The following MRTFA variants were observed in gnomAD, a reference collection of about 807,000 sequenced individuals.
The protein encoded by MRTFA is myocardin related transcription factor A, also known as myocardin-related transcription factor A.
MRTFA carries 20 observed loss-of-function variants against 83.5 expected under a neutral mutation model. The ratio of observed to expected loss-of-function variants is 0.24; its 90% CI spans 0.17 to 0.35. MRTFA has a LOEUF of 0.35. Ranked by LOEUF, MRTFA falls within the 10% of genes least tolerant of loss-of-function variation. The pLI is 1.00. For synonymous variants in MRTFA, 659 were observed against 541.2 expected, an observed-to-expected ratio of 1.22 and a Z score of -3.02; for missense variants, 1,200 against 1,224.7, an observed-to-expected ratio of 0.98 and a Z score of 0.30.
intron 3 of MRTFA, chr22:40,526,601 A>G (rs2054978143): frequency 6.6e-6 from 1 of 152,220 alleles, no homozygotes; most frequent in South Asian, 2.1e-4. Flanking sequence ...GTGAATGAGA[A>G]TAACTGGCAG....
At chr22:40,610,900 T>TTG (rs1290701914) in intron 1 of MRTFA, among the ~76,000 whole-genome samples, 1 of 151,802 alleles carries the variant, frequency 6.6e-6, no homozygotes, top group Non-Finnish European at 1.5e-5. Flanking sequence ...GATGATTCAT[T>TTG]TGTGTTCACC....
At chr22:40,535,686 G>C (rs928741260) in intron 3 of MRTFA, among the ~76,000 whole-genome samples, 8 of 152,158 alleles carry the variant, frequency 5.3e-5, no homozygotes, top group Admixed American at 3.3e-4. Flanking sequence ...CTAGTAATGA[G>C]GGTTTTCAAA....
intron 4 of MRTFA, among the ~76,000 whole-genome samples, chr22:40,456,177 A>G (rs140066409): frequency 1.3e-5 from 2 of 152,250 alleles, no homozygotes; most frequent in African/African-American, 4.8e-5. Context: ...GAAACACTGA[A>G]GATTTAGGAA....
intron 7 of MRTFA, among the ~76,000 whole-genome samples, chr22:40,425,589 G>T (rs1193034941): frequency 6.6e-6 from 1 of 152,218 alleles, no homozygotes; most frequent in Admixed American, 6.5e-5. Flanking sequence ...GGCGACTGTG[G>T]TGGTGGCTTG....
chr22:40,571,065 T>TG lies in MRTFA; in HGVS notation c.-21-18699dup, dbSNP rs2055785400. 6.8e-5 allele frequency among the ~76,000 whole-genome samples: 9 copies of TG among 132,842 alleles called. No homozygotes were observed. In the South Asian group the frequency reaches 2.2e-3, roughly 32 times the overall value. 87.1% of individuals were successfully genotyped at this position (132,842 alleles called of 152,430 possible). A position where few individuals can be genotyped will look rare whatever the true frequency, so the allele number is the denominator to read the frequency against. On this transcript the variant is annotated intron_variant, in intron 2 of 14. Coordinates refer to ENST00000355630, the MANE Select transcript of MRTFA (RefSeq NM_020831.6). ...AAAAAAAAAAAAAAAAAAAATTAGC[T>TG]GGGCATGGTGGTGTGCGCCTGTAGT... is the stretch of plus-strand genomic sequence containing the variant.
chr22:40,603,878 G>T (rs969214057), intron 1 of MRTFA, among the ~76,000 whole-genome samples: 1 of 151,316 alleles, frequency 6.6e-6, no homozygotes, highest in Non-Finnish European at 1.5e-5. Context: ...CTTCCATAGT[G>T]CTGGGATTAT....
At chr22:40,604,977 C>G (rs1294275745) in intron 1 of MRTFA, among the ~76,000 whole-genome samples, 1 of 152,022 alleles carries the variant, frequency 6.6e-6, no homozygotes, top group Admixed American at 6.6e-5. Flanking sequence ...GAAAAGCTTC[C>G]CAGAGGAGTT....
intron 4 of MRTFA, among the ~76,000 whole-genome samples, chr22:40,456,289 C>T (rs891480347): frequency 6.6e-6 from 1 of 151,806 alleles, no homozygotes; most frequent in Admixed American, 6.6e-5. Context: ...TTCTGCTCAA[C>T]TTTGCTGTGA....
At chr22:40,425,814 A>C (rs73167031) in intron 7 of MRTFA, among the ~76,000 whole-genome samples, 12,622 of 152,222 alleles carry the variant, frequency 0.083, 813 homozygotes, top group East Asian at 0.24. Context: ...CCCCCAGATT[A>C]GTCCAACCCA....
At chr22:40,587,122 A>C in intron 2 of MRTFA, 1 of 455,412 alleles carries the variant, frequency 2.2e-6, no homozygotes. Flanking sequence ...AGGGCTTTGG[A>C]TGTCTGGGCT....
rs752603698 is a variant in MRTFA at position 40,419,087 on chromosome 22, G to T, written c.1651C>A (p.Pro551Thr). Residue 551 changes from proline (P) to threonine (T), a missense_variant, in exon 12 of 15, where the codon CCC (proline) becomes ACC (threonine). Pro to Thr is a conservative substitution (Grantham distance 38). This residue lies in a region of MRTFA where 1,107 missense variants were observed against 1,041.8 expected (regional missense o/e 1.06). Coordinates refer to ENST00000355630, the MANE Select transcript of MRTFA (RefSeq NM_020831.6). Reference sequence around the variant, plus strand: ...TCCGAGGGGGTGGGAGACACGGGGGGCGTGGAGCCCGTGCTGCCAAACTTC... The same window carrying T: ...TCCGAGGGGGTGGGAGACACGGGGGTCGTGGAGCCCGTGCTGCCAAACTTC... 1.2e-6 allele frequency: 2 copies of T among 1,603,440 alleles called. No individual in the cohort carries two copies. Among genetic ancestry groups the T allele is most frequent in the South Asian group, 1.1e-5 (1 of 89,942 alleles).
At chr22:40,615,916 C>G (rs1235801340) in intron 1 of MRTFA, among the ~76,000 whole-genome samples, 3 of 152,156 alleles carry the variant, frequency 2.0e-5, no homozygotes, top group Non-Finnish European at 4.4e-5. Flanking sequence ...AACTCCTAAC[C>G]TCAAGTGATC....
intron 9 of MRTFA, among the ~76,000 whole-genome samples, chr22:40,422,231 A>G (rs1343204746): frequency 6.6e-6 from 1 of 152,018 alleles, no homozygotes; most frequent in Non-Finnish European, 1.5e-5. Context: ...GGGAAAGCAC[A>G]ACCAAGGAGA....
chr22:40,438,701 T>C (rs1225139204), intron 4 of MRTFA, among the ~76,000 whole-genome samples: 1 of 152,218 alleles, frequency 6.6e-6, no homozygotes, highest in Admixed American at 6.5e-5. Flanking sequence ...TTACAGTGTA[T>C]TGTTAAAATT....
At chr22:40,440,424 C>T (rs1429664198) in intron 4 of MRTFA, among the ~76,000 whole-genome samples, 6 of 152,236 alleles carry the variant, frequency 3.9e-5, no homozygotes, top group Non-Finnish European at 8.8e-5. Context: ...GTGTCAGTTT[C>T]TCTCAGTCCC....
At chr22:40,458,165 T>G (rs1049890582) in intron 4 of MRTFA, among the ~76,000 whole-genome samples, 5 of 152,178 alleles carry the variant, frequency 3.3e-5, no homozygotes, top group African/African-American at 1.2e-4. Context: ...GTCCTATCCC[T>G]CAAGATATGT....
At chr22:40,449,886 C>T (rs1400004433) in intron 4 of MRTFA, among the ~76,000 whole-genome samples, 7 of 152,218 alleles carry the variant, frequency 4.6e-5, no homozygotes, top group Non-Finnish European at 8.8e-5. Flanking sequence ...ATGGATTCCA[C>T]ACCCTGATAT....
intron 4 of MRTFA, among the ~76,000 whole-genome samples, chr22:40,438,487 TC>T (rs1272970145): frequency 2.0e-5 from 3 of 152,112 alleles, no homozygotes; most frequent in Non-Finnish European, 2.9e-5. Flanking sequence ...GAAGAACAAT[TC>T]ACCAGAACAT....
intron 3 of MRTFA, among the ~76,000 whole-genome samples, chr22:40,479,153 G>A (rs1270681771): frequency 6.6e-6 from 1 of 152,180 alleles, no homozygotes; most frequent in Non-Finnish European, 1.5e-5. Flanking sequence ...GTGAATGCCA[G>A]CAGGAAAGAA....
Sources: allele counts gnomAD v4.1 joint callset (sites outside exome capture counted in the v4.1 genomes callset), GRCh38; gene constraint gnomAD v4.1.1; regional missense constraint gnomAD v4.1.1; transcripts MANE v1.5; gene names NCBI Gene and HGNC (gene_info 2026-07-23, HGNC 2026-07-21).